DLL3: variants seen among roughly 807,000 people sequenced by gnomAD.
DLL3 encodes the protein delta like canonical Notch ligand 3, also known as delta-like protein 3.
In DLL3, 49 loss-of-function variants were observed where a neutral mutation model predicts 55.0. The observed-to-expected ratio is 0.89, with a 90% CI of 0.71 to 1.13. The LOEUF (loss-of-function observed/expected upper bound fraction) is 1.13. Among genes scored for constraint, DLL3 ranks in the 50% most tolerant of loss-of-function variants. DLL3 has a pLI of 0.00. For synonymous variants in DLL3, 421 were observed against 385.2 expected, an observed-to-expected ratio of 1.09 and a Z score of -1.09; for missense variants, 962 against 875.5, an observed-to-expected ratio of 1.10 and a Z score of -1.25.
chr19:39,504,347 C>G lies in DLL3; in HGVS notation c.870+59C>G, dbSNP rs980068333. Reference sequence around the variant, plus strand: ...GTACTTTACCCTGGGAGCCACAGCCCTCTCCCTGGGGCTCCATGAGACACC... The same window carrying G: ...GTACTTTACCCTGGGAGCCACAGCCGTCTCCCTGGGGCTCCATGAGACACC... On this transcript the variant is annotated intron_variant, in intron 5 of 8. Coordinates refer to ENST00000356433, the MANE Select transcript of DLL3 (RefSeq NM_203486.3). The G allele has an allele frequency of 3.8e-6, 6 of 1,568,644 alleles. No homozygotes were observed. In the Admixed American group the frequency reaches 1.0e-4, roughly 26 times the overall value.
Position 39,504,083 on chromosome 19 carries a change from C to A in DLL3, c.665C>A (p.Ala222Glu), listed in dbSNP as rs762209881. Reference protein sequence around the residue: ...DECEAPLVCRAGCSPEHGFCE... With the variant: ...DECEAPLVCREGCSPEHGFCE... The stretch of plus-strand genomic sequence containing the variant: ...CTGTCCCCCATAGTGGTGTGCCGAG[C>A]AGGCTGCAGCCCTGAGCATGGCTTC... The change falls in exon 5 of 9, where the codon GCA (alanine) becomes GAA (glutamate). Residue 222 changes from alanine to glutamate, a missense_variant. Physicochemically the swap from Ala to Glu is moderately radical, Grantham distance 107. Transcript: ENST00000356433. 1.9e-6 allele frequency: 3 copies of A among 1,613,292 alleles called. No individual in the cohort carries two copies. In the South Asian group the frequency reaches 3.3e-5, roughly 18 times the overall value.
chr19:39,505,689 T>A, intron 6 of DLL3: 1 of 540,430 alleles, frequency 1.9e-6, no homozygotes, highest in South Asian at 2.1e-5. Context: ...CAGCAGGGAA[T>A]GAAACAGACA....
intron 6 of DLL3, among the ~76,000 whole-genome samples, chr19:39,506,608 G>A (rs1400196353): frequency 1.3e-5 from 2 of 152,068 alleles, no homozygotes; most frequent in Non-Finnish European, 2.9e-5. Flanking sequence ...TAGGAGCACA[G>A]GGCAGTGATC....
Position 39,507,489 on chromosome 19 carries a change from T to A in DLL3, c.1544T>A (p.Val515Glu), listed in dbSNP as rs1218657006. ...VAGAALLLVHVRRRGHSQDAG... is the reference protein window; with the variant it reads ...VAGAALLLVHERRRGHSQDAG... ...GGCGCTGCGCTCTTGCTGGTCCACG[T>A]GCGCCGCCGTGGCCACTCCCAGGAT... Residue 515 changes from valine (V) to glutamate (E), a missense_variant, in exon 7 of 9, where the codon GTG (valine) becomes GAG (glutamate). Val to Glu is a moderately radical substitution (Grantham distance 121). Transcript: ENST00000356433. 1.3e-6 allele frequency: 2 copies of A among 1,594,194 alleles called. No individual in the cohort carries two copies. Among genetic ancestry groups the A allele is most frequent in the Non-Finnish European group, 1.7e-6 (2 of 1,171,644 alleles).
rs1283192313 is a variant in DLL3 at position 39,507,148 on chromosome 19, T to C, written c.1203T>C (p.Ala401=). 14 of 1,497,652 alleles carry C rather than the reference T, an allele frequency of 9.3e-6. No individual in the cohort carries two copies. The highest frequency in any genetic ancestry group is 1.2e-5 in the Non-Finnish European group (14 of 1,132,268). The allele number at this position is 1,497,652 out of a possible 1,614,324, so 92.8% of individuals were successfully genotyped here. The change falls in exon 7 of 9, where the codon GCT becomes GCC. Residue 401 remains alanine (A), a synonymous_variant. Coordinates refer to ENST00000356433, the MANE Select transcript of DLL3 (RefSeq NM_203486.3). ...DLDDCAGRAC[A]NGGTCVEGGG... ...ACGACTGCGCGGGCCGCGCCTGCGCTAACGGCGGCACGTGTGTGGAGGGCG... is the reference window on the plus strand; with the variant it reads ...ACGACTGCGCGGGCCGCGCCTGCGCCAACGGCGGCACGTGTGTGGAGGGCG...
rs756066182 is a variant in DLL3 at position 39,502,828 on chromosome 19, C to A, written c.423C>A (p.Ser141Arg). Residue 141 changes from serine (S) to arginine (R), a missense_variant, in exon 4 of 9, where the codon AGC becomes AGA. Ser to Arg is a moderately radical substitution (Grantham distance 110). Transcript: ENST00000356433. ...LGDQIGGPAWSLLARVAGRRR... is the reference protein window; with the variant it reads ...LGDQIGGPAWRLLARVAGRRR... ...CTGTCCTCGCAGGGCCCGCCTGGAG[C>A]CTGCTGGCGCGCGTGGCTGGCAGGC... 2.7e-5 allele frequency: 39 copies of A among 1,420,040 alleles called. No individual in the cohort carries two copies. Among genetic ancestry groups the A allele is most frequent in the Non-Finnish European group, 1.1e-5 (12 of 1,093,352 alleles). The allele number at this position is 1,420,040 out of a possible 1,614,324, so 88.0% of individuals were successfully genotyped here. A position where few individuals can be genotyped will look rare whatever the true frequency, so the allele number is the denominator to read the frequency against.
rs760811405 is a variant in DLL3 at position 39,504,099 on chromosome 19, G to C, written c.681G>C (p.Glu227Asp). 1 of 1,613,330 alleles carries C rather than the reference G, an allele frequency of 6.2e-7. No individual in the cohort carries two copies. The change falls in exon 5 of 9, where the codon GAG becomes GAC. Residue 227 changes from glutamate to aspartate, a missense_variant. Glu to Asp is a conservative substitution (Grantham distance 45). Coordinates refer to ENST00000356433, the MANE Select transcript of DLL3 (RefSeq NM_203486.3). Reference protein sequence around the residue: ...PLVCRAGCSPEHGFCEQPGEC... With the variant: ...PLVCRAGCSPDHGFCEQPGEC... ...TGTGCCGAGCAGGCTGCAGCCCTGAGCATGGCTTCTGTGAACAGCCCGGTG... is the reference window on the plus strand; with the variant it reads ...TGTGCCGAGCAGGCTGCAGCCCTGACCATGGCTTCTGTGAACAGCCCGGTG...
In DLL3 at chr19:39,499,181, C is replaced by T. The variant is rs980656646; in HGVS notation, c.70-11C>T. The T allele has an allele frequency of 4.4e-6, 7 of 1,587,694 alleles. No homozygotes were observed. The highest frequency in any genetic ancestry group is 6.0e-6 in the Non-Finnish European group (7 of 1,171,602). On this transcript the variant is annotated splice_polypyrimidine_tract_variant and intron_variant, in intron 1 of 8. Transcript: ENST00000356433. ...CCCGGCCGCCTCACCCTGCGCCCGT[C>T]TCCGTCCCAGACACGGCCCGCTGGC...
chr19:39,502,582 G>A (rs1431911972), intron 3 of DLL3, among the ~76,000 whole-genome samples: 1 of 152,154 alleles, frequency 6.6e-6, no homozygotes, highest in Non-Finnish European at 1.5e-5. Context: ...ATGTTACCTA[G>A]AGTACTAGAA....
At position 39,507,419 on chromosome 19, in the gene DLL3, C is replaced by T. The variant is rs767423604; in HGVS notation, c.1474C>T (p.Leu492Phe). The T allele has an allele frequency of 1.4e-5, 22 of 1,591,244 alleles. No individual in the cohort carries two copies. The highest frequency in any genetic ancestry group is 1.9e-5 in the Non-Finnish European group (22 of 1,170,660). Residue 492 changes from leucine to phenylalanine, a missense_variant, in exon 7 of 9, where the codon CTT (leucine) becomes TTT (phenylalanine). Leu to Phe is a conservative substitution (Grantham distance 22). Transcript: ENST00000356433. The part of the protein sequence containing the change: ...GLRPGDPQRY[L>F]LPPALGLLVA... ...CAGGCCCGGGGACCCTCAGCGCTAC[C>T]TTTTGCCTCCGGCTCTGGGACTGCT...
chr19:39,507,361 C>A lies in DLL3; in HGVS notation c.1416C>A (p.Gly472=), dbSNP rs187836169. 4.3e-5 allele frequency: 67 copies of A among 1,572,076 alleles called. No homozygotes were observed. The East Asian group carries it at 1.5e-3, about 34-fold the overall frequency. The change falls in exon 7 of 9, where the codon GGC becomes GGA. Residue 472 remains glycine, a synonymous_variant. Transcript: ENST00000356433. ...ARCEFPVHPD[G]ASALPAAPPG... is the part of the protein sequence containing the mutation. Reference sequence around the variant, plus strand: ...GTGAGTTCCCAGTGCACCCCGACGGCGCAAGCGCCTTGCCCGCGGCCCCGC... The same window carrying A: ...GTGAGTTCCCAGTGCACCCCGACGGAGCAAGCGCCTTGCCCGCGGCCCCGC...
rs1413047721 is a variant in DLL3 at position 39,507,500 on chromosome 19, G to A, written c.1555G>A (p.Gly519Ser). The A allele has an allele frequency of 3.8e-6, 6 of 1,597,554 alleles. No homozygotes were observed. The African/African-American group carries it at 8.0e-5, about 21-fold the overall frequency. The change falls in exon 7 of 9, where the codon GGC (glycine) becomes AGC (serine). Residue 519 changes from glycine (G) to serine (S), a missense_variant. Coordinates refer to ENST00000356433, the MANE Select transcript of DLL3 (RefSeq NM_203486.3). ...ALLLVHVRRR[G>S]HSQDAGSRLL... ...CTTGCTGGTCCACGTGCGCCGCCGTGGCCACTCCCAGGATGCTGGGTCTCG... is the reference window on the plus strand; with the variant it reads ...CTTGCTGGTCCACGTGCGCCGCCGTAGCCACTCCCAGGATGCTGGGTCTCG...
rs752572755 is a variant in DLL3 at position 39,507,406 on chromosome 19, C to A, written c.1461C>A (p.Asp487Glu). The part of the protein sequence containing the change: ...PAAPPGLRPG[D>E]PQRYLLPPAL... ...CCCCGCCGGGCCTCAGGCCCGGGGA[C>A]CCTCAGCGCTACCTTTTGCCTCCGG... The change falls in exon 7 of 9, where the codon GAC becomes GAA. Residue 487 changes from aspartate to glutamate, a missense_variant. Asp to Glu is a conservative substitution (Grantham distance 45). Transcript: ENST00000356433. The A allele has an allele frequency of 1.6e-5, 25 of 1,585,632 alleles. No individual in the cohort carries two copies. The highest frequency in any genetic ancestry group is 1.9e-5 in the Non-Finnish European group (22 of 1,168,406).
Position 39,507,561 on chromosome 19 carries a change from C to A in DLL3, c.1616C>A (p.Ala539Glu). The change falls in exon 7 of 9, where the codon GCA becomes GAA. Residue 539 changes from alanine to glutamate, a missense_variant. Coordinates refer to ENST00000356433, the MANE Select transcript of DLL3 (RefSeq NM_203486.3). ...GGGACCCCGGAGCCGTCAGTCCACG[C>A]ACTCCCGGATGCACTCAACAACCTA... ...LAGTPEPSVH[A>E]LPDALNNLRT... The A allele has an allele frequency of 6.2e-7, 1 of 1,608,556 alleles. No individual in the cohort carries two copies. Among genetic ancestry groups the A allele is most frequent in the Non-Finnish European group, 8.5e-7 (1 of 1,178,098 alleles).
At position 39,505,446 on chromosome 19, in the gene DLL3, G is replaced by T; in HGVS notation, c.1088G>T (p.Arg363Leu). ...GACCGGTGCAGCCTGCAGCCATGCCGCAATGGTGAGGCCTGGAGGCCTGAA... is the reference window on the plus strand; with the variant it reads ...GACCGGTGCAGCCTGCAGCCATGCCTCAATGGTGAGGCCTGGAGGCCTGAA... ...RVDRCSLQPC[R>L]NGGLCLDLGH... The change falls in exon 6 of 9, where the codon CGC (arginine) becomes CTC (leucine). Residue 363 changes from arginine to leucine, a missense_variant. By Grantham distance (102) the Arg-to-Leu change is moderately radical (BLOSUM62 -2). Transcript: ENST00000356433. The T allele has an allele frequency of 1.9e-6, 3 of 1,613,984 alleles. No individual in the cohort carries two copies. Among genetic ancestry groups the T allele is most frequent in the Non-Finnish European group, 2.5e-6 (3 of 1,179,980 alleles).
At position 39,504,179 on chromosome 19, in the gene DLL3, C is replaced by G; in HGVS notation, c.761C>G (p.Thr254Ser). 2 of 1,612,488 alleles carry G rather than the reference C, an allele frequency of 1.2e-6. No homozygotes were observed. Among genetic ancestry groups the G allele is most frequent in the Non-Finnish European group, 1.7e-6 (2 of 1,180,024 alleles). ...TGPLCTVPVS[T>S]SSCLSPRGPS... ...CCCCTCTGCACGGTCCCTGTCTCCA[C>G]CAGCAGCTGCCTCAGCCCCAGGGGC... The change falls in exon 5 of 9, where the codon ACC (threonine) becomes AGC (serine). Residue 254 changes from threonine to serine, a missense_variant. Transcript: ENST00000356433.
intron 6 of DLL3, 78 bp downstream of exon 6, chr19:39,505,529 G>A: frequency 6.5e-7 from 1 of 1,536,992 alleles, no homozygotes; most frequent in Non-Finnish European, 8.9e-7. Context: ...TTGGAATCCT[G>A]GCTTTGACTC....
intron 4 of DLL3, 86 bp from the exon 5 acceptor site, chr19:39,503,985 C>T: frequency 1.5e-6 from 2 of 1,378,926 alleles, no homozygotes; most frequent in Non-Finnish European, 2.0e-6. Flanking sequence ...AGGGAACGTG[C>T]TCAGAAACCT....
rs1243748540 is a variant in DLL3 at position 39,499,333 on chromosome 19, G to T, written c.211G>T (p.Glu71Ter). The T allele has an allele frequency of 1.9e-6, 3 of 1,548,566 alleles. No homozygotes were observed. The highest frequency in any genetic ancestry group is 1.4e-5 in the African/African-American group (1 of 73,424). Residue 71 changes from glutamate to a stop codon, truncating the protein, a stop_gained, in exon 2 of 9, where the codon GAG becomes TAG. Transcript: ENST00000356433. LOFTEE classifies it high-confidence loss of function. ...CTGCCTGAAGCCTGGGCTCTCAGAG[G>T]AGGCCGCCGAGTCCCCGTGCGCCCT... is the stretch of plus-strand genomic sequence containing the variant. The part of the protein sequence containing the change: ...RVCLKPGLSE[E>*]AAESPCALGA...
Sources: gnomAD v4.1 joint callset for allele counts (sites outside exome capture counted in the v4.1 genomes callset) on GRCh38, gnomAD v4.1.1 for gene constraint, MANE v1.5 for transcripts, NCBI Gene and HGNC (gene_info 2026-07-23, HGNC 2026-07-21) for gene names.